PSTPIP2: variants seen among roughly 807,000 people sequenced by gnomAD.
PSTPIP2 encodes the protein proline-serine-threonine phosphatase interacting protein 2.
In PSTPIP2, 33 loss-of-function variants were observed where a neutral mutation model predicts 63.3. That is an observed-to-expected ratio of 0.52 (90% CI 0.40 to 0.70). The LOEUF (loss-of-function observed/expected upper bound fraction) is 0.70. Ranked by LOEUF, PSTPIP2 falls within the 30% of genes least tolerant of loss-of-function variation. The pLI, the probability that PSTPIP2 is intolerant of heterozygous loss-of-function variation, is 0.00. For missense variants in PSTPIP2, 312 were observed against 400.7 expected (o/e 0.78, Z 1.89); for synonymous variants, 125 against 132.7 (o/e 0.94, Z 0.40).
intron 2 of PSTPIP2, among the ~76,000 whole-genome samples, chr18:46,038,912 AGATCACCTGAGGTCGAGAGTTT>A (rs1270100478): frequency 1.0e-3 from 156 of 152,302 alleles, no homozygotes; most frequent in African/African-American, 3.7e-3. Flanking sequence ...CGAGGCAGGC[AGATCACCTGAGGTCGAGAGTTT>A]GAGACCAGCC....
Position 45,997,924 on chromosome 18 carries a change from T to C in PSTPIP2, c.563-96A>G, listed in dbSNP as rs2051619769. The C allele has an allele frequency of 3.8e-6, 4 of 1,056,768 alleles. No individual in the cohort carries two copies. The East Asian group carries it at 7.3e-5, about 19-fold the overall frequency. 65.5% of individuals were successfully genotyped at this position (1,056,768 alleles called of 1,614,324 possible). A position where few individuals can be genotyped will look rare whatever the true frequency, so the allele number is the denominator to read the frequency against. On this transcript the variant is annotated intron_variant, in intron 8 of 14. Transcript: ENST00000409746. The stretch of plus-strand genomic sequence containing the variant: ...GGTCTCAGATGGCAAAAGAAACTCA[T>C]CCGAGTTGTGCTGAGCTTACAAGGC...
At chr18:46,033,698 GAAA>G (rs35450100) in intron 2 of PSTPIP2, among the ~76,000 whole-genome samples, 7 of 103,132 alleles carry the variant, frequency 6.8e-5, no homozygotes, top group Admixed American at 3.3e-4. Flanking sequence ...ACTCCATCTC[GAAA>G]AAAAAAAAAA....
intron 1 of PSTPIP2, among the ~76,000 whole-genome samples, chr18:46,070,862 T>TC (rs2144142977): frequency 6.6e-6 from 1 of 152,236 alleles, no homozygotes; most frequent in Non-Finnish European, 1.5e-5. Flanking sequence ...TCCTTATGTC[T>TC]CCACGAACCA....
At chr18:46,070,944 T>A (rs1029779618) in intron 1 of PSTPIP2, among the ~76,000 whole-genome samples, 1 of 152,148 alleles carries the variant, frequency 6.6e-6, no homozygotes, top group African/African-American at 2.4e-5. Context: ...AGAGCCTTTT[T>A]CCCACAGTGC....
chr18:46,021,138 A>T (rs1164725952), intron 3 of PSTPIP2, among the ~76,000 whole-genome samples: 2 of 152,210 alleles, frequency 1.3e-5, no homozygotes, highest in African/African-American at 4.8e-5. Context: ...GTCTAAGTTG[A>T]TGTAGTTTGG....
intron 10 of PSTPIP2, 107 bp from the exon 11 acceptor site, chr18:45,992,309 T>C (rs1055168709): frequency 1.1e-6 from 1 of 934,062 alleles, no homozygotes; most frequent in Non-Finnish European, 1.7e-6. Flanking sequence ...ATGTCTGTAA[T>C]CCCAGCATTT....
intron 2 of PSTPIP2, among the ~76,000 whole-genome samples, chr18:46,030,224 G>A (rs111932125): frequency 2.6e-4 from 39 of 152,328 alleles, no homozygotes; most frequent in African/African-American, 8.9e-4. Context: ...GTCCAGTTGA[G>A]TCACAAGAGA....
intron 1 of PSTPIP2, among the ~76,000 whole-genome samples, chr18:46,045,327 T>A (rs371875330): frequency 4.6e-5 from 7 of 152,194 alleles, no homozygotes; most frequent in African/African-American, 1.4e-4. Flanking sequence ...AATACTATGC[T>A]GCCATAAAAA....
At chr18:46,041,097 C>G (rs752463236) in intron 1 of PSTPIP2, 2 of 455,870 alleles carry the variant, frequency 4.4e-6, no homozygotes, top group African/African-American at 2.0e-5. Context: ...AAGGGTATCT[C>G]TACAAAAGAC....
At chr18:46,029,498 G>A (rs1907712972) in intron 2 of PSTPIP2, 1 of 885,542 alleles carries the variant, frequency 1.1e-6, no homozygotes, top group South Asian at 1.3e-5. Flanking sequence ...ATTAAGCATT[G>A]CCACATCTAG....
Position 46,066,746 on chromosome 18 carries a change from C to G in PSTPIP2, c.33+5410G>C, listed in dbSNP as rs117596609. Among the ~76,000 whole-genome samples the G allele has an allele frequency of 4.6e-3, 701 of 152,190 alleles. 5 individuals carry two copies. Among genetic ancestry groups the G allele is most frequent in the Middle Eastern group, 0.037 (11 of 294 alleles). On this transcript the variant is annotated intron_variant, in intron 1 of 14. Coordinates refer to ENST00000409746, the MANE Select transcript of PSTPIP2 (RefSeq NM_024430.4). ...GAACAGTTTCTTTAAAAGGGTGGAA[C>G]AGGCCGGGTGCGGTGGCTCACGCCT...
chr18:45,992,339 G>A (rs1386336513), intron 10 of PSTPIP2, 137 bp from the exon 11 acceptor site: 2 of 693,600 alleles, frequency 2.9e-6, no homozygotes, highest in African/African-American at 1.8e-5. Flanking sequence ...GGGGTGGGCG[G>A]ATCACAAGGT....
intron 6 of PSTPIP2, among the ~76,000 whole-genome samples, chr18:46,004,619 A>G (rs1042287119): frequency 6.6e-6 from 1 of 152,200 alleles, no homozygotes. Flanking sequence ...ATGTTTTTGT[A>G]TCTTTGCCTA....
rs939046403 is a variant in PSTPIP2 at position 46,060,582 on chromosome 18, T to C, written c.33+11574A>G. Reference sequence around the variant, plus strand: ...TGACTCCTAATAAAGGTAGGAGAGCTGTGGCTGCCATTGGCTGGTGGCCTT... The same window carrying C: ...TGACTCCTAATAAAGGTAGGAGAGCCGTGGCTGCCATTGGCTGGTGGCCTT... On this transcript the variant is annotated intron_variant, in intron 1 of 14. Coordinates refer to ENST00000409746, the MANE Select transcript of PSTPIP2 (RefSeq NM_024430.4). 2.0e-5 allele frequency among the ~76,000 whole-genome samples: 3 copies of C among 152,230 alleles called. No homozygotes were observed. In the East Asian group the frequency reaches 5.8e-4, roughly 29 times the overall value.
chr18:46,059,750 T>C (rs1908923304), intron 1 of PSTPIP2, among the ~76,000 whole-genome samples: 1 of 152,080 alleles, frequency 6.6e-6, no homozygotes, highest in South Asian at 2.1e-4. Flanking sequence ...AGGTCTAGGC[T>C]GGGCGTGGTG....
At chr18:45,995,174 G>A (rs1255027364) in intron 9 of PSTPIP2, among the ~76,000 whole-genome samples, 2 of 152,110 alleles carry the variant, frequency 1.3e-5, no homozygotes, top group African/African-American at 4.8e-5. Flanking sequence ...GAGAGCAGTG[G>A]TGCGCTCATG....
chr18:45,995,348 C>T (rs2051583218), intron 9 of PSTPIP2, among the ~76,000 whole-genome samples: 1 of 152,090 alleles, frequency 6.6e-6, no homozygotes, highest in Non-Finnish European at 1.5e-5. Flanking sequence ...AGCAATCCAC[C>T]CGCATCAGCC....
intron 5 of PSTPIP2, 62 bp downstream of exon 5, chr18:46,011,115 GAACA>G (rs926031980): frequency 7.4e-7 from 1 of 1,348,846 alleles, no homozygotes; most frequent in Non-Finnish European, 1.1e-6. Flanking sequence ...GGAGTATAAT[GAACA>G]AACAAGCCTG....
At chr18:45,998,714 C>T in intron 8 of PSTPIP2, 80 bp downstream of exon 8, 1 of 1,424,208 alleles carries the variant, frequency 7.0e-7, no homozygotes, top group South Asian at 1.2e-5. Context: ...GTATATAAAA[C>T]TCCCTTTCTC....
Sources: gnomAD v4.1 joint callset for allele counts (sites outside exome capture counted in the v4.1 genomes callset) on GRCh38, gnomAD v4.1.1 for gene constraint, MANE v1.5 for transcripts, NCBI Gene and HGNC (gene_info 2026-07-23, HGNC 2026-07-21) for gene names.